Variants in SUPT3H observed in about 807,000 individuals in gnomAD.
SUPT3H encodes transcription initiation protein SPT3 homolog.
Under a neutral mutation model 44.3 loss-of-function variants are expected in SUPT3H, and 44 were observed. The observed-to-expected ratio is 0.99, with a 90% CI of 0.78 to 1.28. SUPT3H has a LOEUF of 1.28. Ranked by LOEUF, SUPT3H falls within the 50% of genes most tolerant of loss-of-function variation. SUPT3H has a pLI of 0.00. For synonymous variants in SUPT3H, 124 were observed against 125.6 expected (o/e 0.99, Z 0.09); for missense variants, 380 against 387.1 (o/e 0.98, Z 0.15).
intron 2 of SUPT3H, among the ~76,000 whole-genome samples, chr6:45,346,824 C>A (rs1272994901): frequency 6.6e-6 from 1 of 152,120 alleles, no homozygotes; most frequent in African/African-American, 2.4e-5. Context: ...CTTGGCCCCC[C>A]AAAGTGCTAG....
chr6:44,860,160 C>G (rs970570534), intron 10 of SUPT3H, among the ~76,000 whole-genome samples: 1 of 152,168 alleles, frequency 6.6e-6, no homozygotes, highest in East Asian at 1.9e-4. Flanking sequence ...GAATTTATTA[C>G]TAGAATTTCA....
In SUPT3H at chr6:45,285,465, C is replaced by T. The variant is rs575722028; in HGVS notation, c.101+79736G>A. On this transcript the variant is annotated intron_variant, in intron 2 of 10. Coordinates refer to ENST00000371459, the MANE Select transcript of SUPT3H (RefSeq NM_003599.4). ...ACACCAATAACAGACAAACAGAGAG[C>T]CAAATCGTGAGTGAACTCCCATTCA... 3.3e-5 allele frequency among the ~76,000 whole-genome samples: 5 copies of T among 152,080 alleles called. No homozygotes were observed. In the South Asian group the frequency reaches 1.0e-3, roughly 32 times the overall value.
chr6:45,118,283 T>C (rs1801118383), intron 2 of SUPT3H, among the ~76,000 whole-genome samples: 1 of 152,126 alleles, frequency 6.6e-6, no homozygotes, highest in Non-Finnish European at 1.5e-5. Context: ...TACATCTCTG[T>C]ATCTACCTAC....
chr6:44,834,569 C>T (rs1769463052), intron 10 of SUPT3H, among the ~76,000 whole-genome samples: 1 of 152,132 alleles, frequency 6.6e-6, no homozygotes, highest in Admixed American at 6.6e-5. Flanking sequence ...AATCAAGGAA[C>T]AATAGAACTT....
chr6:45,019,867 T>C (rs1784863410), intron 4 of SUPT3H, among the ~76,000 whole-genome samples: 1 of 151,986 alleles, frequency 6.6e-6, no homozygotes, highest in Non-Finnish European at 1.5e-5. Context: ...AAGATTTTCA[T>C]TTTGTAATAT....
intron 6 of SUPT3H, among the ~76,000 whole-genome samples, chr6:44,994,542 A>G (rs1023182989): frequency 2.6e-5 from 4 of 152,106 alleles, no homozygotes; most frequent in Non-Finnish European, 4.4e-5. Flanking sequence ...TGTACACTCA[A>G]CTTCAGGGAT....
At chr6:44,944,454 G>A (rs1182255303) in intron 9 of SUPT3H, among the ~76,000 whole-genome samples, 1 of 151,762 alleles carries the variant, frequency 6.6e-6, no homozygotes, top group Non-Finnish European at 1.5e-5. Flanking sequence ...CAGAATTATG[G>A]ACTACAATTA....
chr6:45,373,739 G>T (rs1469922957), intron 1 of SUPT3H, among the ~76,000 whole-genome samples: 1 of 152,110 alleles, frequency 6.6e-6, no homozygotes, highest in Non-Finnish European at 1.5e-5. Flanking sequence ...TTTTAGTAGA[G>T]ACGGGGTTTC....
intron 10 of SUPT3H, among the ~76,000 whole-genome samples, chr6:44,931,973 T>C (rs1482359594): frequency 6.6e-6 from 1 of 152,194 alleles, no homozygotes. Context: ...TATCAAACTT[T>C]ACTTTCTGTT....
intron 2 of SUPT3H, among the ~76,000 whole-genome samples, chr6:45,209,886 A>C (rs1325065279): frequency 6.6e-6 from 1 of 152,108 alleles, no homozygotes; most frequent in Non-Finnish European, 1.5e-5. Flanking sequence ...CAGCCACTCA[A>C]ACTCAGCAGC....
At chr6:45,140,184 C>T (rs775710939) in intron 2 of SUPT3H, among the ~76,000 whole-genome samples, 50 of 152,042 alleles carry the variant, frequency 3.3e-4, no homozygotes, top group Non-Finnish European at 5.4e-4. Flanking sequence ...TGCAAACCAC[C>T]CCCTCCCCAT....
intron 3 of SUPT3H, among the ~76,000 whole-genome samples, chr6:45,086,932 G>A (rs987677621): frequency 2.0e-5 from 3 of 151,852 alleles, no homozygotes; most frequent in African/African-American, 7.2e-5. Context: ...TTCCAATCAG[G>A]TGTATAACAA....
At chr6:45,348,355 C>A (rs1791311942) in intron 2 of SUPT3H, among the ~76,000 whole-genome samples, 1 of 151,622 alleles carries the variant, frequency 6.6e-6, no homozygotes, top group South Asian at 2.1e-4. Context: ...TTTATCGTCT[C>A]CTCATTTTCT....
chr6:44,853,105 C>CTG (rs1434358384), intron 10 of SUPT3H, among the ~76,000 whole-genome samples: 1 of 152,168 alleles, frequency 6.6e-6, no homozygotes, highest in Admixed American at 6.5e-5. Flanking sequence ...GTCTAACATA[C>CTG]TGTGTTTACT....
At chr6:45,291,861 T>C (rs778264310) in intron 2 of SUPT3H, among the ~76,000 whole-genome samples, 1 of 152,138 alleles carries the variant, frequency 6.6e-6, no homozygotes, top group Non-Finnish European at 1.5e-5. Context: ...TTGGAAAACA[T>C]ACTTGGGGGA....
chr6:45,146,261 C>T (rs769374763), intron 2 of SUPT3H, among the ~76,000 whole-genome samples: 7 of 152,072 alleles, frequency 4.6e-5, no homozygotes, highest in Non-Finnish European at 7.4e-5. Flanking sequence ...AATATGGAAC[C>T]GGCCTAAATG....
intron 2 of SUPT3H, among the ~76,000 whole-genome samples, chr6:45,222,830 T>A (rs1399390219): frequency 6.6e-6 from 1 of 152,138 alleles, no homozygotes; most frequent in Non-Finnish European, 1.5e-5. Flanking sequence ...AAGAAACTGG[T>A]ACATCCACAC....
At chr6:45,341,316 A>T (rs1789726988) in intron 2 of SUPT3H, among the ~76,000 whole-genome samples, 1 of 152,190 alleles carries the variant, frequency 6.6e-6, no homozygotes, top group Non-Finnish European at 1.5e-5. Flanking sequence ...GATACATGAG[A>T]TATTTTGCAA....
chr6:45,301,080 A>C (rs1297923452), intron 2 of SUPT3H, among the ~76,000 whole-genome samples: 1 of 152,140 alleles, frequency 6.6e-6, no homozygotes, highest in Non-Finnish European at 1.5e-5. Context: ...TGGGAAGCTT[A>C]AGATCTCTGG....
Sources: gnomAD v4.1 joint callset for allele counts (sites outside exome capture counted in the v4.1 genomes callset) on GRCh38, gnomAD v4.1.1 for gene constraint, MANE v1.5 for transcripts, NCBI Gene and HGNC (gene_info 2026-07-23, HGNC 2026-07-21) for gene names.